Variants in ITGA9 observed in about 807,000 individuals in gnomAD.
The protein encoded by ITGA9 is integrin subunit alpha 9, also known as integrin alpha-9.
A neutral mutation model predicts 127.8 loss-of-function variants in ITGA9; 56 were observed. The observed-to-expected ratio is 0.44, with a 90% CI of 0.35 to 0.55. ITGA9 has a LOEUF of 0.55. Ranked by LOEUF, ITGA9 falls within the 20% of genes least tolerant of loss-of-function variation. The pLI is 0.00. For missense variants in ITGA9, 1,196 were observed against 1,347.1 expected, an observed-to-expected ratio of 0.89 and a Z score of 1.76; for synonymous variants, 508 against 514.5, an observed-to-expected ratio of 0.99 and a Z score of 0.17.
At position 37,510,799 on chromosome 3, in the gene ITGA9, A is replaced by G. The variant is rs540329041; in HGVS notation, c.897+2172A>G. 2.0e-5 allele frequency among the ~76,000 whole-genome samples: 3 copies of G among 152,176 alleles called. No homozygotes were observed. In the South Asian group the frequency reaches 6.2e-4, roughly 32 times the overall value. ...CTCTTCTGGCCCTAACCTTTGCACC[A>G]TTCCATAGGCACCCCTTCTTTCTGC... On this transcript the variant is annotated intron_variant, in intron 8 of 27. Transcript: ENST00000264741.
intron 18 of ITGA9, among the ~76,000 whole-genome samples, chr3:37,713,384 C>G (rs1232017121): frequency 1.3e-5 from 2 of 152,138 alleles, no homozygotes; most frequent in African/African-American, 2.4e-5. Flanking sequence ...TGAGGCCACA[C>G]AAAGTTGGCA....
intron 22 of ITGA9, among the ~76,000 whole-genome samples, chr3:37,747,579 C>G (rs892831181): frequency 6.6e-6 from 1 of 150,750 alleles, no homozygotes; most frequent in African/African-American, 2.4e-5. Context: ...GTTAGCATCC[C>G]TCTACTCTCT....
At chr3:37,742,184 T>C (rs1308189196) in intron 21 of ITGA9, among the ~76,000 whole-genome samples, 1 of 152,206 alleles carries the variant, frequency 6.6e-6, no homozygotes, top group Non-Finnish European at 1.5e-5. Flanking sequence ...GATTAAAATC[T>C]CAGCTGGAAG....
At chr3:37,496,585 A>G (rs539159670) in intron 5 of ITGA9, among the ~76,000 whole-genome samples, 7 of 152,312 alleles carry the variant, frequency 4.6e-5, no homozygotes, top group African/African-American at 1.7e-4. Flanking sequence ...CTCTGGACAG[A>G]CTGGTCCCCA....
chr3:37,707,735 T>C (rs1701022867), intron 18 of ITGA9, among the ~76,000 whole-genome samples: 1 of 152,244 alleles, frequency 6.6e-6, no homozygotes. Context: ...ATTGTTCTTT[T>C]ATTCTTTCTC....
At chr3:37,588,483 A>C (rs1330429935) in intron 15 of ITGA9, among the ~76,000 whole-genome samples, 1 of 152,226 alleles carries the variant, frequency 6.6e-6, no homozygotes, top group Non-Finnish European at 1.5e-5. Context: ...TTTACAGTGC[A>C]GGGGACAAAC....
intron 3 of ITGA9, 40 bp from the exon 4 acceptor site, chr3:37,481,444 G>A: frequency 1.9e-6 from 3 of 1,613,858 alleles, no homozygotes; most frequent in Non-Finnish European, 2.5e-6. Context: ...GATCTTTTGG[G>A]GCCAACTTTC....
chr3:37,672,201 A>G (rs1167144576), intron 17 of ITGA9, among the ~76,000 whole-genome samples: 3 of 152,158 alleles, frequency 2.0e-5, no homozygotes, highest in Non-Finnish European at 2.9e-5. Context: ...GGGCAGTGAT[A>G]TGGTTTGGCT....
In ITGA9 at chr3:37,818,883, C is replaced by G. The variant is rs1239790937; in HGVS notation, c.3010-8C>G. 6.2e-7 allele frequency: 1 copy of G among 1,605,596 alleles called. No individual in the cohort carries two copies. The highest frequency in any genetic ancestry group is 8.5e-7 in the Non-Finnish European group (1 of 1,172,288). On this transcript the variant is annotated splice_polypyrimidine_tract_variant and splice_region_variant and intron_variant, in intron 27 of 27. Coordinates refer to ENST00000264741, the MANE Select transcript of ITGA9 (RefSeq NM_002207.3). Reference sequence around the variant, plus strand: ...CTAACTCAGCTTCTCTTTCTTTCTGCCTTTCAGATGGGCTTCTTTCGCCGA... The same window carrying G: ...CTAACTCAGCTTCTCTTTCTTTCTGGCTTTCAGATGGGCTTCTTTCGCCGA...
chr3:37,619,034 C>T (rs758648197), intron 15 of ITGA9, among the ~76,000 whole-genome samples: 13 of 152,208 alleles, frequency 8.5e-5, no homozygotes, highest in Admixed American at 4.6e-4. Context: ...ATGCAGAAAT[C>T]GCCCGTCTTC....
chr3:37,652,321 A>G (rs1389962145), intron 16 of ITGA9, among the ~76,000 whole-genome samples: 1 of 152,022 alleles, frequency 6.6e-6, no homozygotes, highest in African/African-American at 2.4e-5. Flanking sequence ...CCTTACACCC[A>G]CTTCCTCCTG....
At chr3:37,774,706 G>A (rs367952879) in intron 23 of ITGA9, among the ~76,000 whole-genome samples, 1 of 151,322 alleles carries the variant, frequency 6.6e-6, no homozygotes, top group African/African-American at 2.4e-5. Context: ...GGGAGACAGA[G>A]ACCCTGTCTC....
At chr3:37,638,746 G>C (rs1344680094) in intron 16 of ITGA9, among the ~76,000 whole-genome samples, 2 of 152,196 alleles carry the variant, frequency 1.3e-5, no homozygotes, top group Non-Finnish European at 2.9e-5. Flanking sequence ...ATCAAATCAT[G>C]ATGACCTTTT....
chr3:37,537,425 G>T (rs1197960861), intron 14 of ITGA9, among the ~76,000 whole-genome samples: 1 of 152,170 alleles, frequency 6.6e-6, no homozygotes, highest in African/African-American at 2.4e-5. Flanking sequence ...GGTTTGCAGG[G>T]TCCCAGCTCC....
intron 16 of ITGA9, among the ~76,000 whole-genome samples, chr3:37,639,061 G>T (rs542802837): frequency 1.3e-5 from 2 of 152,296 alleles, no homozygotes; most frequent in South Asian, 4.1e-4. Flanking sequence ...TCTGGGGACG[G>T]TGGAGCTTGA....
At chr3:37,731,637 GA>G (rs1696293955) in intron 18 of ITGA9, among the ~76,000 whole-genome samples, 1 of 152,142 alleles carries the variant, frequency 6.6e-6, no homozygotes, top group African/African-American at 2.4e-5. Flanking sequence ...CCAGCTCAAT[GA>G]ACTTTCACAA....
At chr3:37,702,633 C>G in intron 18 of ITGA9, among the ~76,000 whole-genome samples, 1 of 151,970 alleles carries the variant, frequency 6.6e-6, no homozygotes, top group East Asian at 1.9e-4. Context: ...CAGAGAAAAC[C>G]GTCAGGCAGG....
chr3:37,642,378 C>T (rs1255390141), intron 16 of ITGA9, among the ~76,000 whole-genome samples: 4 of 152,104 alleles, frequency 2.6e-5, no homozygotes, highest in Admixed American at 2.0e-4. Context: ...GCTATTGATC[C>T]GCAACACCTG....
intron 15 of ITGA9, among the ~76,000 whole-genome samples, chr3:37,590,095 A>G (rs1699800244): frequency 6.6e-6 from 1 of 152,166 alleles, no homozygotes; most frequent in South Asian, 2.1e-4. Flanking sequence ...GATGTGATGC[A>G]TAGTATTCTG....
Sources: allele counts gnomAD v4.1 joint callset (sites outside exome capture counted in the v4.1 genomes callset), GRCh38; gene constraint gnomAD v4.1.1; transcripts MANE v1.5; gene names NCBI Gene and HGNC (gene_info 2026-07-23, HGNC 2026-07-21).